Variants in ZDHHC11B observed in about 807,000 individuals in gnomAD.
ZDHHC11B encodes the protein probable palmitoyltransferase ZDHHC11B.
ZDHHC11B carries 17 observed loss-of-function variants against 42.3 expected under a neutral mutation model. That is an observed-to-expected ratio of 0.40 (90% CI 0.27 to 0.60). The LOEUF (loss-of-function observed/expected upper bound fraction) is 0.60. ZDHHC11B is among the 20% of genes least tolerant of loss of function. ZDHHC11B has a pLI of 0.41. For missense variants in ZDHHC11B, 262 were observed against 463.2 expected, an observed-to-expected ratio of 0.57 and a Z score of 3.99; for synonymous variants, 123 against 193.5, an observed-to-expected ratio of 0.64 and a Z score of 3.02.
At chr5:765,655 A>G (rs1296900161) in intron 4 of ZDHHC11B, among the ~76,000 whole-genome samples, 1 of 151,860 alleles carries the variant, frequency 6.6e-6, no homozygotes, top group Non-Finnish European at 1.5e-5. Context: ...TTTGCAATAC[A>G]TCTTGCTGCT....
intron 12 of ZDHHC11B, among the ~76,000 whole-genome samples, chr5:726,004 C>G (rs576712646): frequency 2.7e-5 from 4 of 147,794 alleles, no homozygotes; most frequent in East Asian, 2.1e-4. Flanking sequence ...TCTTCACACG[C>G]GAAATCCTGC....
chr5:724,362 A>C, intron 12 of ZDHHC11B, among the ~76,000 whole-genome samples: 3 of 128,638 alleles, frequency 2.3e-5, no homozygotes, highest in Admixed American at 8.5e-5. Context: ...ATGCCATCAA[A>C]CCCAGCTAAT....
intron 4 of ZDHHC11B, among the ~76,000 whole-genome samples, chr5:763,318 G>A (rs571017215): frequency 3.0e-3 from 449 of 149,672 alleles, no homozygotes; most frequent in African/African-American, 0.01. Flanking sequence ...GCAGTGAGTC[G>A]AGATCACACC....
intron 13 of ZDHHC11B, among the ~76,000 whole-genome samples, chr5:713,691 G>A (rs1435122946): frequency 6.6e-6 from 1 of 151,990 alleles, no homozygotes; most frequent in African/African-American, 2.4e-5. Flanking sequence ...CACAAATTTA[G>A]GGAGAACCTG....
chr5:759,289 C>G (rs1206364316), intron 4 of ZDHHC11B, among the ~76,000 whole-genome samples: 1 of 151,910 alleles, frequency 6.6e-6, no homozygotes, highest in Admixed American at 6.6e-5. Context: ...GCTAACCTTT[C>G]CCCCGCCCTG....
At chr5:777,685 G>A (rs759658626) in intron 1 of ZDHHC11B, among the ~76,000 whole-genome samples, 3 of 151,948 alleles carry the variant, frequency 2.0e-5, no homozygotes, top group Non-Finnish European at 4.4e-5. Context: ...ACAGAGTGCT[G>A]ATTGGTGCAT....
intron 1 of ZDHHC11B, among the ~76,000 whole-genome samples, chr5:779,722 T>TG (rs1736823186): frequency 6.6e-6 from 1 of 151,810 alleles, no homozygotes; most frequent in African/African-American, 2.4e-5. Flanking sequence ...GTTCTTGGCG[T>TG]GGGGGAAATT....
In ZDHHC11B at chr5:733,947, A is replaced by G; in HGVS notation, c.936-108T>C. ...TGTCAGCACCACTGCTGTGGGGCAC[A>G]CATGTCTCAAAAACTTGTAGACCAG... On this transcript the variant is annotated intron_variant, in intron 10 of 13. Transcript: ENST00000508859. 3 of 1,000,580 alleles carry G rather than the reference A, an allele frequency of 3.0e-6. No homozygotes were observed. The South Asian group carries it at 4.3e-5, about 14-fold the overall frequency. 62.0% of individuals were successfully genotyped at this position (1,000,580 alleles called of 1,614,324 possible).
chr5:759,906 G>T (rs1369834034), intron 4 of ZDHHC11B, among the ~76,000 whole-genome samples: 3 of 151,918 alleles, frequency 2.0e-5, no homozygotes, highest in African/African-American at 7.3e-5. Context: ...AAAGCCACAT[G>T]CTGCTGGCCA....
intron 3 of ZDHHC11B, 94 bp downstream of exon 3, chr5:767,298 C>T: frequency 1.4e-6 from 2 of 1,412,552 alleles, no homozygotes; most frequent in Non-Finnish European, 9.8e-7. Flanking sequence ...GGATGGCCCT[C>T]TCCCCACCCA....
intron 4 of ZDHHC11B, among the ~76,000 whole-genome samples, chr5:761,666 C>A (rs1311486686): frequency 6.6e-6 from 1 of 151,894 alleles, no homozygotes; most frequent in Non-Finnish European, 1.5e-5. Flanking sequence ...AGCCTGAACC[C>A]CCACATGTGT....
At position 746,646 on chromosome 5, in the gene ZDHHC11B, G is replaced by A. The variant is rs1427116543; in HGVS notation, c.785-1348C>T. On this transcript the variant is annotated intron_variant, in intron 8 of 13. Coordinates refer to ENST00000508859, the MANE Select transcript of ZDHHC11B (RefSeq NM_001351303.2). ...TCCCTGCTCTGCCACCTGAGGCAAG[G>A]GCCAGCTTCTCTGCAGCACAAGGGC... 2.0e-5 allele frequency among the ~76,000 whole-genome samples: 3 copies of A among 149,716 alleles called. 1 individual carries two copies. Among genetic ancestry groups the A allele is most frequent in the African/African-American group, 7.3e-5 (3 of 40,994 alleles).
Position 711,276 on chromosome 5 carries a change from T to TTTCCCAGTACTGTGCTCCCAA in ZDHHC11B, c.*993_*1013dup, listed in dbSNP as rs1741348647. 1 of 154,222 alleles carries TTTCCCAGTACTGTGCTCCCAA rather than the reference T, an allele frequency of 6.5e-6. No homozygotes were observed. The allele number at this position is 154,222 out of a possible 1,614,324, so 9.6% of individuals were successfully genotyped here. Reference sequence around the variant, plus strand: ...CATTTCCTAGTGCTGTGAACTCCCATTTCCCAGTACTGTGCTCCCAATTCC... The same window carrying TTTCCCAGTACTGTGCTCCCAA: ...CATTTCCTAGTGCTGTGAACTCCCATTTCCCAGTACTGTGCTCCCAATTCCCAGTACTGTGCTCCCAATTCC... On this transcript the variant is annotated 3_prime_UTR_variant, in exon 14 of 14. Transcript: ENST00000508859.
chr5:775,132 C>G (rs567566881), intron 1 of ZDHHC11B, among the ~76,000 whole-genome samples: 12 of 152,078 alleles, frequency 7.9e-5, no homozygotes, highest in African/African-American at 2.6e-4. Flanking sequence ...AGGCTCTGGC[C>G]TCCCTGAGAA....
At chr5:765,503 G>A (rs1376349134) in intron 4 of ZDHHC11B, among the ~76,000 whole-genome samples, 1 of 151,878 alleles carries the variant, frequency 6.6e-6, no homozygotes, top group African/African-American at 2.4e-5. Context: ...CTGTAAAACA[G>A]ACCAATCAGC....
At chr5:766,285 C>A (rs147046023) in intron 4 of ZDHHC11B, among the ~76,000 whole-genome samples, 1 of 134,544 alleles carries the variant, frequency 7.4e-6, no homozygotes, top group South Asian at 2.6e-4. Context: ...CTTTGGGAGA[C>A]GGGAGCAGAC....
chr5:784,185 C>G (rs1179358310), intron 1 of ZDHHC11B, among the ~76,000 whole-genome samples: 1 of 151,216 alleles, frequency 6.6e-6, no homozygotes, highest in Non-Finnish European at 1.5e-5. Flanking sequence ...GTTTCTGTGG[C>G]CAGGGATCTC....
At chr5:735,651 G>T (rs1327810400) in intron 10 of ZDHHC11B, among the ~76,000 whole-genome samples, 2 of 140,760 alleles carry the variant, frequency 1.4e-5, no homozygotes, top group African/African-American at 2.7e-5. Flanking sequence ...AAGGGATTGG[G>T]GTCCTATCTC....
intron 11 of ZDHHC11B, among the ~76,000 whole-genome samples, chr5:733,023 A>G (rs1266601725): frequency 6.6e-6 from 1 of 151,738 alleles, no homozygotes; most frequent in African/African-American, 2.4e-5. Flanking sequence ...CACCACTGCC[A>G]TCCATGTTGG....
Sources: allele counts gnomAD v4.1 joint callset (sites outside exome capture counted in the v4.1 genomes callset), GRCh38; gene constraint gnomAD v4.1.1; transcripts MANE v1.5; gene names NCBI Gene and HGNC (gene_info 2026-07-23, HGNC 2026-07-21).